ZNF248: variants seen among roughly 807,000 people sequenced by gnomAD.
ZNF248 encodes the protein zinc finger protein 248.
A neutral mutation model predicts 44.3 loss-of-function variants in ZNF248; 20 were observed. The observed-to-expected ratio is 0.45, with a 90% CI of 0.32 to 0.66. The LOEUF is 0.66. Ranked by LOEUF, ZNF248 falls within the 30% of genes least tolerant of loss-of-function variation. ZNF248 has a pLI of 0.04. For missense variants in ZNF248, 654 were observed against 677.0 expected (o/e 0.97, Z 0.38); for synonymous variants, 224 against 229.0 (o/e 0.98, Z 0.20).
Position 37,820,256 on chromosome 10 carries a change from G to T in ZNF248, c.330+12769C>A, listed in dbSNP as rs2053241906. The T allele has an allele frequency of 4.4e-6, 6 of 1,366,932 alleles. No homozygotes were observed. In the South Asian group the frequency reaches 5.8e-5, roughly 13 times the overall value. The allele number at this position is 1,366,932 out of a possible 1,614,324, so 84.7% of individuals were successfully genotyped here. ...GCCAGATGGAGATCTGTTTTTGGGA[G>T]CTGCAGAAATGCTCTGTGTTGCCAG... On this transcript the variant is annotated intron_variant, in intron 6 of 6. Coordinates refer to the ZNF248 transcript ENST00000615949.
chr10:37,826,471 C>T (rs748907789), downstream of ZNF248, among the ~76,000 whole-genome samples: 1 of 152,182 alleles, frequency 6.6e-6, no homozygotes, highest in African/African-American at 2.4e-5. Context: ...CCTTTGATAG[C>T]ATCTGACTGT....
intron 6 of ZNF248, among the ~76,000 whole-genome samples, chr10:37,797,586 T>A (rs1662899976): frequency 6.6e-6 from 1 of 152,084 alleles, no homozygotes; most frequent in South Asian, 2.1e-4. Flanking sequence ...AATATATTTT[T>A]AAAAAAATTC....
intron 6 of ZNF248, among the ~76,000 whole-genome samples, chr10:37,801,332 C>A (rs1248724011): frequency 2.0e-5 from 3 of 151,658 alleles, no homozygotes; most frequent in Non-Finnish European, 2.9e-5. Flanking sequence ...GCTGAGACTG[C>A]GCCACTGCAC....
intron 6 of ZNF248, among the ~76,000 whole-genome samples, chr10:37,808,922 A>G (rs78787953): frequency 0.011 from 1,655 of 152,086 alleles, 35 homozygotes; most frequent in African/African-American, 0.038. Flanking sequence ...GTACCTACAT[A>G]ATTTTCTATT....
In ZNF248 at chr10:37,831,339, T is replaced by C; in HGVS notation, c.*276A>G. 6.5e-7 allele frequency: 1 copy of C among 1,548,538 alleles called. No homozygotes were observed. Among genetic ancestry groups the C allele is most frequent in the Non-Finnish European group, 8.7e-7 (1 of 1,145,896 alleles). On this transcript the variant is annotated 3_prime_UTR_variant, in exon 6 of 6. Transcript: ENST00000395867. ...TGTGAATATGGGTATAAATAAATATTGTCCATTATATTTGCAACAAAATTT... is the reference window on the plus strand; with the variant it reads ...TGTGAATATGGGTATAAATAAATATCGTCCATTATATTTGCAACAAAATTT...
At chr10:37,812,969 A>G (rs964558583) in intron 6 of ZNF248, among the ~76,000 whole-genome samples, 1 of 151,318 alleles carries the variant, frequency 6.6e-6, no homozygotes, top group African/African-American at 2.4e-5. Flanking sequence ...ACTTCACAGA[A>G]TTTATGACAG....
In ZNF248 at chr10:37,832,970, G is replaced by C. The variant is rs762540176; in HGVS notation, c.385C>G (p.Pro129Ala). 1 of 1,613,544 alleles carries C rather than the reference G, an allele frequency of 6.2e-7. No individual in the cohort carries two copies. ...GSKTFNLGTD[P>A]VSLRNYPYKI... is the part of the protein sequence containing the mutation. ...TAGGGATAATTTCTTAAAGAAACAG[G>C]GTCTGTGCCCAAATTGAAAGTTTTG... The change falls in exon 6 of 6, where the codon CCT (proline) becomes GCT (alanine). Residue 129 changes from proline to alanine, a missense_variant. By Grantham distance (27) the Pro-to-Ala change is conservative. Coordinates refer to ENST00000395867, the MANE Select transcript of ZNF248 (RefSeq NM_021045.3).
the ZNF248 span, among the ~76,000 whole-genome samples, chr10:37,766,804 C>A: frequency 1.3e-5 from 2 of 152,104 alleles, no homozygotes; most frequent in Non-Finnish European, 2.9e-5. Flanking sequence ...GAGAAGAAGG[C>A]TTCAGATGAT....
At chr10:37,804,702 A>G (rs2050313348) in intron 6 of ZNF248, among the ~76,000 whole-genome samples, 1 of 152,202 alleles carries the variant, frequency 6.6e-6, no homozygotes, top group African/African-American at 2.4e-5. Context: ...TAGGTCGCCC[A>G]AAGTGCTGGG....
At chr10:37,809,036 C>G (rs1183165427) in intron 6 of ZNF248, among the ~76,000 whole-genome samples, 1 of 151,948 alleles carries the variant, frequency 6.6e-6, no homozygotes, top group African/African-American at 2.4e-5. Flanking sequence ...GTTCTTAGTA[C>G]TTTCTTGTAT....
chr10:37,853,941 G>A (rs2060795078), intron 3 of ZNF248, among the ~76,000 whole-genome samples: 2 of 152,144 alleles, frequency 1.3e-5, no homozygotes, highest in Admixed American at 6.6e-5. Context: ...CAGTAAATAC[G>A]AAAGCCTACC....
intron 3 of ZNF248, among the ~76,000 whole-genome samples, chr10:37,847,850 T>C (rs1271220526): frequency 1.3e-5 from 2 of 151,996 alleles, no homozygotes; most frequent in African/African-American, 4.8e-5. Context: ...TACATGGGGG[T>C]TAATATATTA....
At chr10:37,771,160 T>G in the ZNF248 span, among the ~76,000 whole-genome samples, 1 of 152,168 alleles carries the variant, frequency 6.6e-6, no homozygotes, top group African/African-American at 2.4e-5. Context: ...AGGAACACTT[T>G]TACACTGTTG....
At chr10:37,836,698 C>T (rs1209179172) in intron 5 of ZNF248, among the ~76,000 whole-genome samples, 1 of 152,034 alleles carries the variant, frequency 6.6e-6, no homozygotes, top group Non-Finnish European at 1.5e-5. Flanking sequence ...CATGACCCAA[C>T]ACAGTGTGTG....
the ZNF248 span, among the ~76,000 whole-genome samples, chr10:37,765,316 G>A: frequency 6.6e-5 from 10 of 152,088 alleles, no homozygotes; most frequent in African/African-American, 2.2e-4. Context: ...ATTATGTGGC[G>A]ATTTGGGGAT....
intron 3 of ZNF248, among the ~76,000 whole-genome samples, chr10:37,847,813 T>C (rs2059578687): frequency 6.6e-6 from 1 of 152,210 alleles, no homozygotes; most frequent in Non-Finnish European, 1.5e-5. Flanking sequence ...TCTGAGCTGA[T>C]AACTGGGGAA....
chr10:37,803,893 C>G (rs551835622), intron 6 of ZNF248: 1 of 152,730 alleles, frequency 6.5e-6, no homozygotes, highest in Non-Finnish European at 1.5e-5. Flanking sequence ...CATCAAGAAT[C>G]CTGGAAACAC....
chr10:37,851,093 A>T (rs1159823865), intron 3 of ZNF248, among the ~76,000 whole-genome samples: 1 of 152,176 alleles, frequency 6.6e-6, no homozygotes, highest in Admixed American at 6.5e-5. Context: ...AAAACTCAAT[A>T]CATTAAAAAA....
chr10:37,820,523 G>T (rs1165550771), intron 6 of ZNF248: 13 of 1,601,372 alleles, frequency 8.1e-6, no homozygotes, highest in Admixed American at 1.7e-5. Context: ...TGAGGATCGT[G>T]CAACTGGTGC....
Sources: gnomAD v4.1 joint callset for allele counts (sites outside exome capture counted in the v4.1 genomes callset) on GRCh38, gnomAD v4.1.1 for gene constraint, MANE v1.5 for transcripts, NCBI Gene and HGNC (gene_info 2026-07-23, HGNC 2026-07-21) for gene names.